SNRNP200: variants seen among roughly 807,000 people sequenced by gnomAD.
SNRNP200 encodes the protein U5 small nuclear ribonucleoprotein 200 kDa helicase.
Under a neutral mutation model 255.2 loss-of-function variants are expected in SNRNP200, and 66 were observed. The observed-to-expected ratio is 0.26, with a 90% CI of 0.21 to 0.32. SNRNP200 has a LOEUF of 0.32. Ranked by LOEUF, SNRNP200 falls within the 10% of genes least tolerant of loss-of-function variation. The pLI is 1.00. For missense variants in SNRNP200, 1,585 were observed against 2,749.8 expected, an observed-to-expected ratio of 0.58 and a Z score of 9.47; for synonymous variants, 939 against 1,027.8, an observed-to-expected ratio of 0.91 and a Z score of 1.65.
chr2:96,300,631 C>T (rs1199749001), intron 5 of SNRNP200, among the ~76,000 whole-genome samples: 2 of 152,010 alleles, frequency 1.3e-5, no homozygotes, highest in African/African-American at 2.4e-5. Context: ...GGCATGGTGG[C>T]GGGCGCCTAT....
At chr2:96,294,585 G>A (rs2063905467) in intron 14 of SNRNP200, among the ~76,000 whole-genome samples, 1 of 152,194 alleles carries the variant, frequency 6.6e-6, no homozygotes, top group African/African-American at 2.4e-5. Context: ...AACAAAGCCA[G>A]TACCCACAGA....
intron 30 of SNRNP200, chr2:96,284,794 G>C: frequency 1.7e-6 from 1 of 581,524 alleles, no homozygotes; most frequent in Middle Eastern, 4.6e-4. Context: ...TTGTTGCCCA[G>C]GCTGGAGTGC....
Position 96,277,247 on chromosome 2 carries a change from G to A in SNRNP200, c.5932-6C>T, listed in dbSNP as rs1684683354. On this transcript the variant is annotated splice_polypyrimidine_tract_variant and splice_region_variant and intron_variant, in intron 41 of 44. Coordinates refer to ENST00000323853, the MANE Select transcript of SNRNP200 (RefSeq NM_014014.5). This position sits in a 1 kb window ranked among gnomAD's most constrained non-coding sequence, Gnocchi z 4.4. ...TCGAAAACACTCTCCACTCCCTGCA[G>A]TGAGTATTCAGACGTCAGGAAAGAG... 6.2e-7 allele frequency: 1 copy of A among 1,614,086 alleles called. No homozygotes were observed.
At chr2:96,302,638 C>G (rs1484421007) in intron 3 of SNRNP200, among the ~76,000 whole-genome samples, 1 of 152,186 alleles carries the variant, frequency 6.6e-6, no homozygotes, top group Non-Finnish European at 1.5e-5. Context: ...GTCGCACAAG[C>G]CTGCCTCCCA....
In SNRNP200 at chr2:96,290,036, C is replaced by A. The variant is rs75813159; in HGVS notation, c.2743-40G>T. 7,231 of 1,588,344 alleles carry A rather than the reference C, an allele frequency of 4.6e-3. 295 individuals carry two copies. In the African/African-American group the frequency reaches 0.088, roughly 19 times the overall value. On this transcript the variant is annotated intron_variant, in intron 20 of 44. Coordinates refer to ENST00000323853, the MANE Select transcript of SNRNP200 (RefSeq NM_014014.5). This position sits in a 1 kb window ranked among gnomAD's most constrained non-coding sequence, Gnocchi z 4.5. ...TCATGGTTCTTAGCATGGAGAAACT[C>A]TTGATGTCCAAATGACAGGCTCCCA...
intron 14 of SNRNP200, among the ~76,000 whole-genome samples, chr2:96,295,045 CTAAAAA>C (rs1225857130): frequency 6.6e-6 from 1 of 152,054 alleles, no homozygotes; most frequent in African/African-American, 2.4e-5. Flanking sequence ...CCAGTCTCTA[CTAAAAA>C]TATAAAAATT....
intron 14 of SNRNP200, among the ~76,000 whole-genome samples, 153 bp downstream of exon 14, chr2:96,295,332 TGGA>T (rs2063910160): frequency 6.6e-6 from 1 of 152,252 alleles, no homozygotes; most frequent in South Asian, 2.1e-4. Flanking sequence ...TCTGTCATCG[TGGA>T]GAAGATGGAT....
chr2:96,299,111 G>A, intron 6 of SNRNP200, 144 bp from the exon 7 acceptor site: 2 of 1,091,478 alleles, frequency 1.8e-6, no homozygotes, highest in South Asian at 1.3e-5. Flanking sequence ...CTGGAATATT[G>A]AGTTCAGAAG....
chr2:96,281,967 G>T, intron 34 of SNRNP200, 45 bp from the exon 35 acceptor site: 2 of 1,458,808 alleles, frequency 1.4e-6, no homozygotes, highest in Non-Finnish European at 1.9e-6. Flanking sequence ...GGGGTCTCCG[G>T]GTGAAGTAGG....
At chr2:96,302,680 T>C (rs2063960430) in intron 3 of SNRNP200, among the ~76,000 whole-genome samples, 1 of 152,214 alleles carries the variant, frequency 6.6e-6, no homozygotes, top group South Asian at 2.1e-4. Context: ...CACAGGTTGT[T>C]TGACCTGTGC....
Position 96,291,637 on chromosome 2 carries a change from C to T in SNRNP200, c.2310+114G>A. ...TAATAATCACATCCAGACAATCAAC[C>T]TTAACCCATGGGAAACAACAATACC... On this transcript the variant is annotated intron_variant, in intron 17 of 44. Transcript: ENST00000323853. The surrounding 1 kb of genome is among the most constrained non-coding windows in gnomAD (Gnocchi z 4.2). The T allele has an allele frequency of 1.5e-6, 2 of 1,366,072 alleles. No homozygotes were observed. The highest frequency in any genetic ancestry group is 2.1e-6 in the Non-Finnish European group (2 of 958,870). The allele number at this position is 1,366,072 out of a possible 1,614,324, so 84.6% of individuals were successfully genotyped here.
At position 96,277,520 on chromosome 2, in the gene SNRNP200, C is replaced by A; in HGVS notation, c.5931+19G>T. ...CTCTCAGGCTCACCCACCTGACCCT[C>A]TAGGCTGACCCGGCTCACCTTGTCT... On this transcript the variant is annotated intron_variant, in intron 41 of 44. Coordinates refer to ENST00000323853, the MANE Select transcript of SNRNP200 (RefSeq NM_014014.5). The surrounding 1 kb of genome is among the most constrained non-coding windows in gnomAD (Gnocchi z 4.4). 6.2e-7 allele frequency: 1 copy of A among 1,612,222 alleles called. No individual in the cohort carries two copies. Among genetic ancestry groups the A allele is most frequent in the Non-Finnish European group, 8.5e-7 (1 of 1,180,000 alleles).
intron 43 of SNRNP200, among the ~76,000 whole-genome samples, chr2:96,275,608 C>CACG (rs1173195627): frequency 1.3e-5 from 2 of 152,188 alleles, no homozygotes; most frequent in African/African-American, 4.8e-5. Context: ...TAGTACCTGC[C>CACG]ACTAAGTCCA....
intron 12 of SNRNP200, 27 bp from the exon 13 acceptor site, chr2:96,296,718 GCCTATTCA>G (rs1484147427): frequency 6.2e-7 from 1 of 1,613,098 alleles, no homozygotes; most frequent in African/African-American, 1.3e-5. Context: ...GGATGAGAAC[GCCTATTCA>G]CCTGGTTATT....
chr2:96,305,293 G>T (rs754185649), intron 1 of SNRNP200, 100 bp downstream of exon 1: 23 of 1,463,806 alleles, frequency 1.6e-5, no homozygotes, highest in Non-Finnish European at 2.9e-6. Flanking sequence ...CTTCGTTTTC[G>T]TGGCTCTCCT....
chr2:96,276,126 A>C (rs1279607594), intron 43 of SNRNP200, among the ~76,000 whole-genome samples: 1 of 152,268 alleles, frequency 6.6e-6, no homozygotes, highest in Non-Finnish European at 1.5e-5. Flanking sequence ...AGTTAAAAGC[A>C]GTCTTTACTC....
At chr2:96,288,617 A>G in intron 24 of SNRNP200, 46 bp downstream of exon 24, 1 of 1,519,860 alleles carries the variant, frequency 6.6e-7, no homozygotes, top group Non-Finnish European at 9.1e-7. Context: ...CAGGGATTGA[A>G]CTGTTCAGGC....
chr2:96,289,858 C>A lies in SNRNP200; in HGVS notation c.2881G>T (p.Ala961Ser), dbSNP rs772208248. ...QRRLDLVHTAALMLDKNNLVK... is the reference protein window; with the variant it reads ...QRRLDLVHTASLMLDKNNLVK... ...AGATTGTTCTTGTCCAGCATCAGGG[C>A]AGCTGTATGAACCAGATCTAGTCGG... Residue 961 changes from alanine (A) to serine (S), a missense_variant, in exon 21 of 45, where the codon GCC becomes TCC. Transcript: ENST00000323853. The A allele has an allele frequency of 6.2e-7, 1 of 1,614,202 alleles. No individual in the cohort carries two copies. Among genetic ancestry groups the A allele is most frequent in the African/African-American group, 1.3e-5 (1 of 75,028 alleles).
chr2:96,278,913 A>G lies in SNRNP200; in HGVS notation c.5219T>C (p.Ile1740Thr). 1 of 1,614,150 alleles carries G rather than the reference A, an allele frequency of 6.2e-7. No individual in the cohort carries two copies. Among genetic ancestry groups the G allele is most frequent in the Non-Finnish European group, 8.5e-7 (1 of 1,180,006 alleles). ...CTTGTTCTCAATGGTCTTGGTGACG[A>G]TCTCAGCATTGAAGTGGTCATGCAT... ...HCMHDHFNAEIVTKTIENKQD... is the reference protein window; with the variant it reads ...HCMHDHFNAETVTKTIENKQD... The change falls in exon 37 of 45, where the codon ATC becomes ACC. Residue 1740 changes from isoleucine (I) to threonine (T), a missense_variant. By Grantham distance (89) the Ile-to-Thr change is moderately conservative (BLOSUM62 -1). Around this residue, in one of 9 missense-constraint regions of SNRNP200, gnomAD observed 279 missense variants for 551.2 expected, o/e 0.51. Transcript: ENST00000323853. The surrounding 1 kb of genome is among the most constrained non-coding windows in gnomAD (Gnocchi z 6.9).
Sources: gnomAD v4.1 joint callset for allele counts (sites outside exome capture counted in the v4.1 genomes callset) on GRCh38, gnomAD v4.1.1 for gene constraint, gnomAD v4.1.1 regional missense constraint, Gnocchi (gnomAD v3.1) non-coding constraint, MANE v1.5 for transcripts, NCBI Gene and HGNC (gene_info 2026-07-23, HGNC 2026-07-21) for gene names.